The following GRIK4 variants were observed in gnomAD, a reference collection of about 807,000 sequenced individuals.
GRIK4 encodes glutamate receptor ionotropic, kainate 4.
GRIK4 carries 40 observed loss-of-function variants against 104.9 expected under a neutral mutation model. The observed-to-expected ratio is 0.38, with a 90% CI of 0.30 to 0.50. The LOEUF (loss-of-function observed/expected upper bound fraction) is 0.50, where lower values mean the gene tolerates loss of function less well. Among genes scored for constraint, GRIK4 ranks in the 20% least tolerant of loss-of-function variants. GRIK4 has a pLI of 0.93. For missense variants in GRIK4, 1,047 were observed against 1,308.1 expected, an observed-to-expected ratio of 0.80 and a Z score of 3.08; for synonymous variants, 485 against 524.9, an observed-to-expected ratio of 0.92 and a Z score of 1.04.
At chr11:120,551,648 G>A (rs1948141561) in intron 1 of GRIK4, among the ~76,000 whole-genome samples, 1 of 152,126 alleles carries the variant, frequency 6.6e-6, no homozygotes, top group Admixed American at 6.5e-5. Flanking sequence ...GGGCGTGGTG[G>A]TGGGCGCCTT....
intron 3 of GRIK4, among the ~76,000 whole-genome samples, chr11:120,710,778 A>T (rs1355728425): frequency 6.6e-6 from 1 of 152,226 alleles, no homozygotes; most frequent in African/African-American, 2.4e-5. Flanking sequence ...AAAGCAGAGT[A>T]AGCTGTTGCT....
chr11:120,658,261 A>G lies in GRIK4; in HGVS notation c.-50-2008A>G, dbSNP rs552104548. 3.0e-4 allele frequency among the ~76,000 whole-genome samples: 45 copies of G among 152,312 alleles called. 1 individual carries two copies. In the South Asian group the frequency reaches 6.4e-3, roughly 22 times the overall value. On this transcript the variant is annotated intron_variant, in intron 2 of 20. Coordinates refer to ENST00000527524, the MANE Select transcript of GRIK4 (RefSeq NM_014619.5). ...GTATAACATTCCACTGTGTGCATAT[A>G]TAATGTATTTCTCCATCGTGCTGCT...
Position 120,952,826 on chromosome 11 carries a change from G to A in GRIK4, c.1591-29G>A. 2 of 1,481,382 alleles carry A rather than the reference G, an allele frequency of 1.4e-6. No homozygotes were observed. The highest frequency in any genetic ancestry group is 1.9e-6 in the Non-Finnish European group (2 of 1,058,386). The allele number at this position is 1,481,382 out of a possible 1,614,324, so 91.8% of individuals were successfully genotyped here. A position where few individuals can be genotyped will look rare whatever the true frequency, so the allele number is the denominator to read the frequency against. On this transcript the variant is annotated intron_variant, in intron 14 of 20. Transcript: ENST00000527524. This position sits in a 1 kb window ranked among gnomAD's most constrained non-coding sequence, Gnocchi z 5.2. The stretch of plus-strand genomic sequence containing the variant: ...AGGTCATGTTGACTGAATATGTGCG[G>A]TGAATCTTGTTTTTCTCTCCATTTC...
intron 7 of GRIK4, among the ~76,000 whole-genome samples, chr11:120,834,263 G>GTGT (rs1555075077): frequency 1.4e-5 from 2 of 145,992 alleles, no homozygotes; most frequent in Non-Finnish European, 3.0e-5. Context: ...ACACTTTATA[G>GTGT]GTGTGTGTGT....
chr11:120,970,048 C>T (rs1944449524), intron 19 of GRIK4, among the ~76,000 whole-genome samples: 1 of 152,178 alleles, frequency 6.6e-6, no homozygotes, highest in African/African-American at 2.4e-5. Context: ...CAGAGCCAGG[C>T]ACATAGTAGT....
rs575445255 is a variant in GRIK4 at position 120,746,258 on chromosome 11, C to T, written c.83-56435C>T. 3.9e-5 allele frequency among the ~76,000 whole-genome samples: 6 copies of T among 152,258 alleles called. No individual in the cohort carries two copies. In the South Asian group the frequency reaches 6.2e-4, roughly 16 times the overall value. On this transcript the variant is annotated intron_variant, in intron 3 of 20. Transcript: ENST00000527524. Reference sequence around the variant, plus strand: ...GGGACCTAAAGAAAAGAGATGTGTTCGTTTCCTCTTTGCTCTTTGACCTTG... The same window carrying T: ...GGGACCTAAAGAAAAGAGATGTGTTTGTTTCCTCTTTGCTCTTTGACCTTG...
At chr11:120,809,679 A>G (rs751958127) in intron 4 of GRIK4, among the ~76,000 whole-genome samples, 3 of 152,220 alleles carry the variant, frequency 2.0e-5, no homozygotes, top group Non-Finnish European at 4.4e-5. Context: ...AGATGGACAC[A>G]TTGACACACG....
intron 3 of GRIK4, among the ~76,000 whole-genome samples, chr11:120,678,640 GT>G (rs1950141883): frequency 6.7e-6 from 1 of 149,544 alleles, no homozygotes; most frequent in African/African-American, 2.5e-5. Context: ...TTTTGTTTTA[GT>G]TTTTGTTTTT....
intron 1 of GRIK4, among the ~76,000 whole-genome samples, chr11:120,531,860 G>A (rs1054758040): frequency 7.2e-5 from 11 of 152,146 alleles, no homozygotes; most frequent in African/African-American, 2.7e-4. Flanking sequence ...ACAGGTGTGA[G>A]CCACCGTGCC....
rs918972194 is a variant in GRIK4, at chr11:120,960,480, C to T, written c.1875-429C>T. On this transcript the variant is annotated intron_variant, in intron 16 of 20. Coordinates refer to ENST00000527524, the MANE Select transcript of GRIK4 (RefSeq NM_014619.5). ...TAGTGGATGTAGCTCGTGGTAGCTG[C>T]TCACTGCCTGGCGATGCACATTTGA... Among the ~76,000 whole-genome samples the T allele has an allele frequency of 3.9e-4, 59 of 152,336 alleles. 1 individual carries two copies. Among genetic ancestry groups the T allele is most frequent in the African/African-American group, 1.3e-3 (55 of 41,580 alleles).
intron 14 of GRIK4, among the ~76,000 whole-genome samples, chr11:120,945,296 C>T (rs1403418392): frequency 6.6e-6 from 1 of 152,188 alleles, no homozygotes; most frequent in Admixed American, 6.5e-5. Context: ...GCTGCTTGCC[C>T]TCTGCCTATA....
chr11:120,929,792 G>A (rs1943441309), intron 13 of GRIK4, among the ~76,000 whole-genome samples: 1 of 152,062 alleles, frequency 6.6e-6, no homozygotes, highest in Non-Finnish European at 1.5e-5. Context: ...CGGGTCTGGG[G>A]CAGGGCAAGG....
chr11:120,858,207 T>C (rs56275759), intron 8 of GRIK4: 49,064 of 151,938 alleles, frequency 0.32, 8,943 homozygotes, highest in East Asian at 0.5. Context: ...TGGGGAGGCA[T>C]AATGGGAGCC....
intron 1 of GRIK4, among the ~76,000 whole-genome samples, chr11:120,647,641 C>T (rs1244434594): frequency 3.3e-5 from 5 of 152,252 alleles, no homozygotes; most frequent in Non-Finnish European, 5.9e-5. Context: ...GCACATGCCT[C>T]GGGGCTCAGT....
chr11:120,976,935 CAAGAAG>C (rs1238525046), intron 19 of GRIK4, among the ~76,000 whole-genome samples: 1 of 152,130 alleles, frequency 6.6e-6, no homozygotes, highest in Non-Finnish European at 1.5e-5. Flanking sequence ...TACCTGAATC[CAAGAAG>C]TGGTTATTAG....
Position 120,905,328 on chromosome 11 carries a change from G to A in GRIK4, c.1311G>A (p.Glu437=). 1 of 1,614,086 alleles carries A rather than the reference G, an allele frequency of 6.2e-7. No homozygotes were observed. The highest frequency in any genetic ancestry group is 2.2e-5 in the East Asian group (1 of 44,886). ...PYLMLKGNHQ[E]MEGNDRYEGF... ...TAATGCTGAAGGGGAACCACCAGGA[G>A]ATGGAAGGCAATGACCGCTACGAGG... Residue 437 remains glutamate, a synonymous_variant, in exon 13 of 21, where the codon GAG becomes GAA. Coordinates refer to ENST00000527524, the MANE Select transcript of GRIK4 (RefSeq NM_014619.5). This position sits in a 1 kb window ranked among gnomAD's most constrained non-coding sequence, Gnocchi z 5.1.
At chr11:120,951,020 G>A (rs1395324985) in intron 14 of GRIK4, among the ~76,000 whole-genome samples, 1 of 152,214 alleles carries the variant, frequency 6.6e-6, no homozygotes, top group African/African-American at 2.4e-5. Context: ...TCAAAGGGCA[G>A]TTCCGTGGTC....
intron 13 of GRIK4, among the ~76,000 whole-genome samples, chr11:120,938,245 C>T (rs1943640966): frequency 6.6e-6 from 1 of 152,126 alleles, no homozygotes; most frequent in Non-Finnish European, 1.5e-5. Flanking sequence ...CTAAAGAGTC[C>T]CCCAAATGAA....
chr11:120,514,232 AG>A (rs1800751350), intron 1 of GRIK4, among the ~76,000 whole-genome samples: 1 of 152,166 alleles, frequency 6.6e-6, no homozygotes, highest in Non-Finnish European at 1.5e-5. Flanking sequence ...GCTTCTGCAT[AG>A]TACTAATCCC....
Sources: gnomAD v4.1 joint callset for allele counts (sites outside exome capture counted in the v4.1 genomes callset) on GRCh38, gnomAD v4.1.1 for gene constraint, Gnocchi (gnomAD v3.1) non-coding constraint, MANE v1.5 for transcripts, NCBI Gene and HGNC (gene_info 2026-07-23, HGNC 2026-07-21) for gene names.